The following ATXN7L1 variants were observed in gnomAD, a reference collection of about 807,000 sequenced individuals.
The protein encoded by ATXN7L1 is ataxin 7 like 1.
In ATXN7L1, 15 loss-of-function variants were observed where a neutral mutation model predicts 70.8. The observed-to-expected ratio is 0.21, with a 90% CI of 0.14 to 0.33. ATXN7L1 has a LOEUF of 0.33. Among genes scored for constraint, ATXN7L1 ranks in the 10% least tolerant of loss-of-function variants. The pLI, the probability that ATXN7L1 is intolerant of heterozygous loss-of-function variation, is 1.00. For synonymous variants in ATXN7L1, 440 were observed against 445.1 expected (o/e 0.99, Z 0.14); for missense variants, 975 against 1,097.1 (o/e 0.89, Z 1.57).
At chr7:105,795,028 G>A (rs1338136927) in intron 2 of ATXN7L1, among the ~76,000 whole-genome samples, 2 of 152,180 alleles carry the variant, frequency 1.3e-5, no homozygotes, top group Non-Finnish European at 1.5e-5. Context: ...CACTCAGCCT[G>A]CTTCCCAATA....
intron 4 of ATXN7L1, among the ~76,000 whole-genome samples, chr7:105,664,859 C>T (rs1026561595): frequency 1.3e-5 from 2 of 151,970 alleles, no homozygotes; most frequent in Non-Finnish European, 2.9e-5. Context: ...GAGCGTGGCC[C>T]ATATGGTACT....
rs907618486 is a variant in ATXN7L1 at position 105,810,736 on chromosome 7, G to A, written c.251-22028C>T. ...GAGGCACTGAAGCCGGGGATGGCAT[G>A]GGGGCGGCGGAAAGGCTGTGCCAGT... On this transcript the variant is annotated intron_variant, in intron 2 of 11. Transcript: ENST00000419735. Among the ~76,000 whole-genome samples, 69 of 152,366 alleles carry A rather than the reference G, an allele frequency of 4.5e-4. 1 individual carries two copies. The highest frequency in any genetic ancestry group is 1.7e-3 in the African/African-American group (69 of 41,586).
At chr7:105,637,883 C>T (rs981314268) in intron 7 of ATXN7L1, among the ~76,000 whole-genome samples, 8 of 152,148 alleles carry the variant, frequency 5.3e-5, no homozygotes, top group African/African-American at 9.7e-5. Flanking sequence ...GGCAACTGGA[C>T]TAGCATGGTG....
intron 3 of ATXN7L1, among the ~76,000 whole-genome samples, chr7:105,787,100 T>C (rs1804417760): frequency 6.6e-6 from 1 of 152,134 alleles, no homozygotes; most frequent in Admixed American, 6.5e-5. Flanking sequence ...TTTAACCCTT[T>C]CTCTCTTCCA....
chr7:105,687,745 G>A (rs13223649), intron 3 of ATXN7L1, among the ~76,000 whole-genome samples: 9,901 of 152,218 alleles, frequency 0.065, 338 homozygotes, highest in South Asian at 0.077. Flanking sequence ...AGAGGCCTAG[G>A]TGCAGCTCGG....
intron 3 of ATXN7L1, among the ~76,000 whole-genome samples, chr7:105,774,562 A>G (rs74720607): frequency 0.052 from 7,842 of 152,148 alleles, 413 homozygotes; most frequent in East Asian, 0.19. Flanking sequence ...CATGTTGGCC[A>G]GGCTGGTCTC....
At chr7:105,810,694 C>T (rs1359288500) in intron 2 of ATXN7L1, among the ~76,000 whole-genome samples, 2 of 152,192 alleles carry the variant, frequency 1.3e-5, no homozygotes, top group Non-Finnish European at 2.9e-5. Flanking sequence ...GTGCAGGAGC[C>T]AACGCGAGCC....
intron 3 of ATXN7L1, among the ~76,000 whole-genome samples, chr7:105,696,456 T>C (rs1791717745): frequency 1.3e-5 from 2 of 152,178 alleles, no homozygotes; most frequent in African/African-American, 4.8e-5. Flanking sequence ...TCTTTGATCA[T>C]AGAGCCCCAC....
At chr7:105,828,010 AC>A (rs751665039) in intron 2 of ATXN7L1, among the ~76,000 whole-genome samples, 7 of 152,086 alleles carry the variant, frequency 4.6e-5, no homozygotes, top group South Asian at 2.1e-4. Context: ...GGGAAAAAAA[AC>A]AACTTTGTTT....
rs535426905 is a variant in ATXN7L1, at chr7:105,796,866, C to T, written c.251-8158G>A. ...CCCAATTCTAAAATCTCCTTAAATTCATAGAACAAAACAAGTTGGTGTCTG... is the reference window on the plus strand; with the variant it reads ...CCCAATTCTAAAATCTCCTTAAATTTATAGAACAAAACAAGTTGGTGTCTG... On this transcript the variant is annotated intron_variant, in intron 2 of 11. Transcript: ENST00000419735. Among the ~76,000 whole-genome samples the T allele has an allele frequency of 1.7e-3, 259 of 152,232 alleles. 3 individuals carry two copies. The highest frequency in any genetic ancestry group is 5.8e-3 in the African/African-American group (239 of 41,534).
At chr7:105,871,995 ATT>A (rs970133304) in intron 2 of ATXN7L1, among the ~76,000 whole-genome samples, 9 of 143,734 alleles carry the variant, frequency 6.3e-5, no homozygotes, top group Admixed American at 1.4e-4. Context: ...AACCAAAATA[ATT>A]TTTTTTTTTT....
intron 3 of ATXN7L1, among the ~76,000 whole-genome samples, chr7:105,724,699 T>C (rs1204070564): frequency 1.3e-5 from 2 of 151,902 alleles, no homozygotes; most frequent in African/African-American, 2.4e-5. Context: ...CTCACTTCTG[T>C]TGTCACCAGT....
intron 2 of ATXN7L1, among the ~76,000 whole-genome samples, chr7:105,791,862 T>G (rs1481184425): frequency 6.6e-6 from 1 of 152,178 alleles, no homozygotes; most frequent in African/African-American, 2.4e-5. Flanking sequence ...TATTAAAAAT[T>G]AAAACAACAA....
intron 2 of ATXN7L1, among the ~76,000 whole-genome samples, chr7:105,807,087 C>A (rs1807729076): frequency 6.6e-6 from 1 of 152,168 alleles, no homozygotes; most frequent in South Asian, 2.1e-4. Context: ...CATGGATGAC[C>A]ACCTGTTGCC....
rs1220241894 is a variant in ATXN7L1 at position 105,604,917 on chromosome 7, C to G, written c.*2935G>C. 1 of 151,540 alleles carries G rather than the reference C, an allele frequency of 6.6e-6. No individual in the cohort carries two copies. The highest frequency in any genetic ancestry group is 1.5e-5 in the Non-Finnish European group (1 of 67,966). 9.4% of individuals were successfully genotyped at this position (151,540 alleles called of 1,614,324 possible). On this transcript the variant is annotated 3_prime_UTR_variant, in exon 12 of 12. Coordinates refer to ENST00000419735, the MANE Select transcript of ATXN7L1 (RefSeq NM_020725.2). ...AATTTCTTTTTTTCCTTTTTTAAAA[C>G]AAGAGTTCACTGAGAATCAGCAATA... is the stretch of plus-strand genomic sequence containing the variant.
intron 9 of ATXN7L1, among the ~76,000 whole-genome samples, chr7:105,619,140 GTTT>G (rs1191774371): frequency 9.0e-4 from 45 of 49,842 alleles, no homozygotes; most frequent in African/African-American, 3.3e-3. Context: ...GAAATCTTTA[GTTT>G]TTTTTTTTTT....
chr7:105,642,780 G>A (rs2095384930), intron 5 of ATXN7L1, 58 bp downstream of exon 5: 2 of 1,483,548 alleles, frequency 1.3e-6, no homozygotes. Context: ...CCTTCGTTAT[G>A]GCTGCGACTC....
intron 2 of ATXN7L1, among the ~76,000 whole-genome samples, chr7:105,818,334 C>T (rs1809509257): frequency 6.6e-6 from 1 of 152,128 alleles, no homozygotes; most frequent in Admixed American, 6.6e-5. Context: ...CACGCCCCAG[C>T]TAATTTTTGT....
intron 3 of ATXN7L1, among the ~76,000 whole-genome samples, chr7:105,715,357 G>C (rs552723805): frequency 3.5e-4 from 54 of 152,352 alleles, no homozygotes; most frequent in Non-Finnish European, 7.3e-4. Flanking sequence ...GTAAAGTGCT[G>C]TGCTCCATAT....
Sources: gnomAD v4.1 joint callset for allele counts (sites outside exome capture counted in the v4.1 genomes callset) on GRCh38, gnomAD v4.1.1 for gene constraint, MANE v1.5 for transcripts, NCBI Gene and HGNC (gene_info 2026-07-23, HGNC 2026-07-21) for gene names.